ADGRG5: variants seen among roughly 807,000 people sequenced by gnomAD.
The protein encoded by ADGRG5 is adhesion G protein-coupled receptor G5.
In ADGRG5, 37 loss-of-function variants were observed where a neutral mutation model predicts 53.2. That is an observed-to-expected ratio of 0.70 (90% confidence interval 0.53 to 0.91). The LOEUF (loss-of-function observed/expected upper bound fraction) is 0.91. Ranked by LOEUF, ADGRG5 falls within the 40% of genes least tolerant of loss-of-function variation. The pLI, the probability that ADGRG5 is intolerant of heterozygous loss-of-function variation, is 0.00. For missense variants in ADGRG5, 614 were observed against 675.8 expected (o/e 0.91, Z 1.01); for synonymous variants, 277 against 290.4 (o/e 0.95, Z 0.47).
chr16:57,537,209 G>A, the ADGRG5 span, among the ~76,000 whole-genome samples: 5 of 152,146 alleles, frequency 3.3e-5, no homozygotes, highest in Admixed American at 1.3e-4. Flanking sequence ...GCTGTTTTGG[G>A]GCTTTCTCTC....
At position 57,574,741 on chromosome 16, in the gene ADGRG5, C is replaced by T; in HGVS notation, c.1209-74C>T. On this transcript the variant is annotated intron_variant, in intron 10 of 11. Transcript: ENST00000349457. This position sits in a 1 kb window ranked among gnomAD's most constrained non-coding sequence, Gnocchi z 4.4. ...GCCTGAGCCAGGAGACCGAGTGGGG[C>T]TTCAGGGAGTGATGCTGGCCTCCCC... is the stretch of plus-strand genomic sequence containing the variant. The T allele has an allele frequency of 6.9e-7, 1 of 1,453,240 alleles. No homozygotes were observed. The highest frequency in any genetic ancestry group is 9.2e-7 in the Non-Finnish European group (1 of 1,086,582). 90.0% of individuals were successfully genotyped at this position (1,453,240 alleles called of 1,614,324 possible).
chr16:57,564,892 G>GAGGCTGGGA, intron 5 of ADGRG5, 142 bp from the exon 6 acceptor site: 1 of 620,898 alleles, frequency 1.6e-6, no homozygotes, highest in Non-Finnish European at 2.9e-6. Context: ...GGAAGGCTGG[G>GAGGCTGGGA]AGGCTGGGAG....
At position 57,556,908 on chromosome 16, in the gene ADGRG5, C is replaced by CTTTTTTTTTT. The variant is rs35948606; in HGVS notation, c.-38-5138_-38-5129dup. Among the ~76,000 whole-genome samples, 39 of 115,726 alleles carry CTTTTTTTTTT rather than the reference C, an allele frequency of 3.4e-4. 2 individuals carry two copies. The highest frequency in any genetic ancestry group is 5.8e-4 in the African/African-American group (16 of 27,424). The allele number at this position is 115,726 out of a possible 152,430, so 75.9% of individuals were successfully genotyped here. A position where few individuals can be genotyped will look rare whatever the true frequency, so the allele number is the denominator to read the frequency against. ...GAAGAAGTTCTTATTTTGCCTTCTT[C>CTTTTTTTTTT]TTTTTTTTTTTTTTTTTTTGAGACA... is the stretch of plus-strand genomic sequence containing the variant. On this transcript the variant is annotated intron_variant, in intron 1 of 11. Transcript: ENST00000349457.
Position 57,566,727 on chromosome 16 carries a change from C to T in ADGRG5, c.675C>T (p.His225=). The change falls in exon 7 of 12, where the codon CAC becomes CAT. Residue 225 remains histidine (H), a synonymous_variant. Coordinates refer to ENST00000349457, the MANE Select transcript of ADGRG5 (RefSeq NM_001304376.3). The part of the protein sequence containing the change: ...SHSQVLCRCN[H]LTYFAVLMQL... ...CTCAGGTGCTCTGCCGCTGCAACCA[C>T]CTCACCTACTTTGCTGTTCTCATGG... is the stretch of plus-strand genomic sequence containing the variant. The T allele has an allele frequency of 6.4e-7, 1 of 1,561,568 alleles. No homozygotes were observed. The highest frequency in any genetic ancestry group is 8.7e-7 in the Non-Finnish European group (1 of 1,154,106).
chr16:57,553,461 A>G (rs1026129210), intron 1 of ADGRG5, among the ~76,000 whole-genome samples: 14 of 152,208 alleles, frequency 9.2e-5, no homozygotes, highest in African/African-American at 3.1e-4. Context: ...TTATCTTTGC[A>G]TCTTTGTCAA....
Position 57,566,749 on chromosome 16 carries a change from A to G in ADGRG5, c.697A>G (p.Met233Val). ...CNHLTYFAVL[M>V]QLSPALVPAE... Reference sequence around the variant, plus strand: ...CCACCTCACCTACTTTGCTGTTCTCATGGTATGTATGCATCCTGAGTGGGG... The same window carrying G: ...CCACCTCACCTACTTTGCTGTTCTCGTGGTATGTATGCATCCTGAGTGGGG... The change falls in exon 7 of 12, where the codon ATG (methionine) becomes GTG (valine). Residue 233 changes from methionine to valine, a missense_variant and splice_region_variant. Coordinates refer to ENST00000349457, the MANE Select transcript of ADGRG5 (RefSeq NM_001304376.3). The G allele has an allele frequency of 6.6e-7, 1 of 1,516,906 alleles. No individual in the cohort carries two copies. The highest frequency in any genetic ancestry group is 8.8e-7 in the Non-Finnish European group (1 of 1,131,472). 94.0% of individuals were successfully genotyped at this position (1,516,906 alleles called of 1,614,324 possible).
At chr16:57,538,578 T>C (rs1487218595), upstream of ADGRG5, among the ~76,000 whole-genome samples, 1 of 152,132 alleles carries the variant, frequency 6.6e-6, no homozygotes, top group Non-Finnish European at 1.5e-5. Context: ...GATCTGACTG[T>C]TTCAATTTTA....
chr16:57,548,288 A>G (rs1017082972), intron 1 of ADGRG5, among the ~76,000 whole-genome samples: 1 of 152,086 alleles, frequency 6.6e-6, no homozygotes, highest in African/African-American at 2.4e-5. Context: ...GAAGGTTGCA[A>G]AAAATAGTAC....
rs1270464950 is a variant in ADGRG5 at position 57,568,085 on chromosome 16, A to C, written c.1051A>C (p.Ile351Leu). ...CCTCGGGCGTGTCTACAACATCTAC[A>C]TCCGCAGATATGTGTTCAAGCTTGG... Reference protein sequence around the residue: ...LLLGRVYNIYIRRYVFKLGVL... With the variant: ...LLLGRVYNIYLRRYVFKLGVL... Residue 351 changes from isoleucine to leucine, a missense_variant, in exon 9 of 12, where the codon ATC becomes CTC. Transcript: ENST00000349457. The C allele has an allele frequency of 3.7e-6, 6 of 1,613,784 alleles. No individual in the cohort carries two copies. Among genetic ancestry groups the C allele is most frequent in the Non-Finnish European group, 4.2e-6 (5 of 1,179,910 alleles).
intron 1 of ADGRG5, among the ~76,000 whole-genome samples, chr16:57,558,574 A>T (rs1198567445): frequency 5.3e-5 from 8 of 152,224 alleles, no homozygotes; most frequent in African/African-American, 1.9e-4. Flanking sequence ...CTTGAGCCCC[A>T]GGAGTAGGGC....
chr16:57,553,814 T>C (rs1240802343), intron 1 of ADGRG5, among the ~76,000 whole-genome samples: 3 of 152,240 alleles, frequency 2.0e-5, no homozygotes, highest in African/African-American at 7.2e-5. Context: ...TGGTATACAG[T>C]AATATTAGCC....
At chr16:57,548,468 A>G (rs1255371198) in intron 1 of ADGRG5, among the ~76,000 whole-genome samples, 2 of 152,128 alleles carry the variant, frequency 1.3e-5, no homozygotes, top group Admixed American at 6.5e-5. Flanking sequence ...TTAACTTTAT[A>G]AGAAACTGCC....
In ADGRG5 at chr16:57,574,907, C is replaced by T. The variant is rs766996103; in HGVS notation, c.1301C>T (p.Ala434Val). ...SLFNLVVLAWALWTLRRLRER... is the reference protein window; with the variant it reads ...SLFNLVVLAWVLWTLRRLRER... ...TTCAACCTGGTGGTGCTGGCCTGGGCGCTGTGGACCCTGCGCAGGCTGCGG... is the reference window on the plus strand; with the variant it reads ...TTCAACCTGGTGGTGCTGGCCTGGGTGCTGTGGACCCTGCGCAGGCTGCGG... The change falls in exon 11 of 12, where the codon GCG becomes GTG. Residue 434 changes from alanine to valine, a missense_variant. Ala to Val is a moderately conservative substitution (Grantham distance 64). Transcript: ENST00000349457. This position sits in a 1 kb window ranked among gnomAD's most constrained non-coding sequence, Gnocchi z 4.4. 5.0e-6 allele frequency: 8 copies of T among 1,612,642 alleles called. No homozygotes were observed. The highest frequency in any genetic ancestry group is 4.4e-5 in the South Asian group (4 of 91,054).
At chr16:57,560,183 C>T (rs2032969212) in intron 1 of ADGRG5, among the ~76,000 whole-genome samples, 1 of 152,206 alleles carries the variant, frequency 6.6e-6, no homozygotes, top group Non-Finnish European at 1.5e-5. Context: ...CAGCATCAAC[C>T]CGGGCCTTCC....
the ADGRG5 span, among the ~76,000 whole-genome samples, chr16:57,532,818 T>C: frequency 6.6e-6 from 1 of 151,926 alleles, no homozygotes; most frequent in African/African-American, 2.4e-5. Flanking sequence ...TGTGAGAGCC[T>C]GTGGGGGGAG....
intron 7 of ADGRG5, 47 bp from the exon 8 acceptor site, chr16:57,567,423 A>AGG: frequency 6.3e-7 from 1 of 1,591,710 alleles, no homozygotes; most frequent in Non-Finnish European, 8.5e-7. Flanking sequence ...GCTGGGAGGA[A>AGG]GGGCGATACT....
rs1469086400 is a variant in ADGRG5 at position 57,575,360 on chromosome 16, A to G, written c.1487-78A>G. ...GTTGCCCATGGGCCCCAGGGAGGCC[A>G]GCTCGCTGCAGCCAAGGAGACCCTG... On this transcript the variant is annotated intron_variant, in intron 11 of 11. Transcript: ENST00000349457. 2.9e-6 allele frequency: 4 copies of G among 1,360,798 alleles called. No individual in the cohort carries two copies. In the African/African-American group the frequency reaches 5.7e-5, roughly 20 times the overall value. The allele number at this position is 1,360,798 out of a possible 1,614,324, so 84.3% of individuals were successfully genotyped here.
Position 57,562,446 on chromosome 16 carries a change from G to GT in ADGRG5, c.133dup (p.Ser45PhefsTer39), listed in dbSNP as rs1157762567. The GT allele has an allele frequency of 6.2e-7, 1 of 1,602,766 alleles. No homozygotes were observed. Among genetic ancestry groups the GT allele is most frequent in the Non-Finnish European group, 8.5e-7 (1 of 1,174,986 alleles). Reference sequence around the variant, plus strand: ...GCAGGTGTCCAGGGGCCGGAGCTCAGTTTTTTCCTCTCGGTGAGTTGGATG... The same window carrying GT: ...GCAGGTGTCCAGGGGCCGGAGCTCAGTTTTTTTCCTCTCGGTGAGTTGGATG... On this transcript the variant is annotated frameshift_variant, in exon 3 of 12. Transcript: ENST00000349457. LOFTEE classifies it high-confidence loss of function.
chr16:57,568,068 G>A lies in ADGRG5; in HGVS notation c.1034G>A (p.Arg345His), dbSNP rs1228478117. The change falls in exon 9 of 12, where the codon CGT (arginine) becomes CAT (histidine). Residue 345 changes from arginine to histidine, a missense_variant. Arg to His is a conservative substitution (Grantham distance 29). Coordinates refer to ENST00000349457, the MANE Select transcript of ADGRG5 (RefSeq NM_001304376.3). ...TTCAACCTCTACCTCCTCCTCGGGC[G>A]TGTCTACAACATCTACATCCGCAGA... Reference protein sequence around the residue: ...EGFNLYLLLGRVYNIYIRRYV... With the variant: ...EGFNLYLLLGHVYNIYIRRYV... The A allele has an allele frequency of 6.2e-6, 10 of 1,613,880 alleles. No homozygotes were observed. Among genetic ancestry groups the A allele is most frequent in the South Asian group, 4.4e-5 (4 of 91,094 alleles).
Sources: gnomAD v4.1 joint callset for allele counts (sites outside exome capture counted in the v4.1 genomes callset) on GRCh38, gnomAD v4.1.1 for gene constraint, Gnocchi (gnomAD v3.1) non-coding constraint, MANE v1.5 for transcripts, NCBI Gene and HGNC (gene_info 2026-07-23, HGNC 2026-07-21) for gene names.